ZNF516: variants seen among roughly 807,000 people sequenced by gnomAD.
The protein encoded by ZNF516 is zinc finger protein 516.
In ZNF516, 19 loss-of-function variants were observed where a neutral mutation model predicts 79.7. The observed-to-expected ratio is 0.24, with a 90% CI of 0.17 to 0.35. ZNF516 has a LOEUF of 0.35. ZNF516 is among the 10% of genes least tolerant of loss of function. The probability of loss-of-function intolerance (pLI) is 1.00; values close to 1 mark genes in which losing one functional copy is unlikely to be tolerated. For synonymous variants in ZNF516, 877 were observed against 739.5 expected (o/e 1.19, Z -3.02); for missense variants, 1,678 against 1,679.5 (o/e 1.00, Z 0.02).
chr18:76,405,377 A>C (rs889886196), intron 3 of ZNF516, among the ~76,000 whole-genome samples: 1 of 152,004 alleles, frequency 6.6e-6, no homozygotes, highest in Non-Finnish European at 1.5e-5. Flanking sequence ...GCACACACCC[A>C]CCAGTGCTAC....
intron 2 of ZNF516, among the ~76,000 whole-genome samples, chr18:76,450,133 G>A (rs11874066): frequency 0.03 from 3,970 of 132,892 alleles, 195 homozygotes; most frequent in African/African-American, 0.1. Context: ...GAGAAAGAGA[G>A]AGACGGAGAG....
Position 76,442,778 on chromosome 18 carries a change from G to C in ZNF516, c.277C>G (p.His93Asp), listed in dbSNP as rs753302476. 1.7e-5 allele frequency: 27 copies of C among 1,602,780 alleles called. No individual in the cohort carries two copies. Among genetic ancestry groups the C allele is most frequent in the Non-Finnish European group, 2.2e-5 (26 of 1,174,752 alleles). ...SHRTGTLIQG[H>D]EPEAGEAPLG... ...GGCGCCTCGCCCGCCTCCGGCTCGTGTCCCTGAATCAGAGTCCCCGTGCGG... is the reference window on the plus strand; with the variant it reads ...GGCGCCTCGCCCGCCTCCGGCTCGTCTCCCTGAATCAGAGTCCCCGTGCGG... The change falls in exon 3 of 7, where the codon CAC becomes GAC. Residue 93 changes from histidine (H) to aspartate (D), a missense_variant. This residue lies in a region of ZNF516 where 279 missense variants were observed against 254.1 expected (regional missense o/e 1.10). Transcript: ENST00000443185.
chr18:76,367,580 G>C (rs1426659110), intron 6 of ZNF516, among the ~76,000 whole-genome samples: 1 of 152,122 alleles, frequency 6.6e-6, no homozygotes, highest in Non-Finnish European at 1.5e-5. Context: ...CTCCACTCCG[G>C]GCCTTCCACG....
At chr18:76,365,737 TG>T (rs1336341652) in intron 6 of ZNF516, among the ~76,000 whole-genome samples, 1 of 152,202 alleles carries the variant, frequency 6.6e-6, no homozygotes, top group Non-Finnish European at 1.5e-5. Context: ...ACCGCCGGGC[TG>T]GAAGAATCAC....
At chr18:76,409,939 A>G (rs1350578606) in intron 3 of ZNF516, among the ~76,000 whole-genome samples, 2 of 152,162 alleles carry the variant, frequency 1.3e-5, no homozygotes, top group African/African-American at 4.8e-5. Context: ...TTTCCCCCAC[A>G]CTGTTCTCAT....
chr18:76,433,551 G>T (rs755655588), intron 3 of ZNF516, among the ~76,000 whole-genome samples: 9 of 152,208 alleles, frequency 5.9e-5, no homozygotes, highest in Non-Finnish European at 1.0e-4. Context: ...GCACGCTCAG[G>T]CCTTGTGGAG....
chr18:76,415,208 G>T (rs1399331274), intron 3 of ZNF516, among the ~76,000 whole-genome samples: 7 of 151,936 alleles, frequency 4.6e-5, no homozygotes, highest in African/African-American at 4.8e-5. Flanking sequence ...CTCAAAAAAA[G>T]AAAAAGAAAA....
At chr18:76,461,021 T>C (rs1337854074) in intron 2 of ZNF516, among the ~76,000 whole-genome samples, 1 of 151,578 alleles carries the variant, frequency 6.6e-6, no homozygotes, top group Non-Finnish European at 1.5e-5. Flanking sequence ...CTACTAAAAC[T>C]ACAAAAAAAA....
At chr18:76,440,830 C>T (rs2075808103) in intron 3 of ZNF516, among the ~76,000 whole-genome samples, 1 of 152,078 alleles carries the variant, frequency 6.6e-6, no homozygotes, top group South Asian at 2.1e-4. Flanking sequence ...GGGTGAATGT[C>T]TCAGAAGGGA....
At chr18:76,391,925 A>G (rs75627990) in intron 3 of ZNF516, among the ~76,000 whole-genome samples, 5,762 of 151,166 alleles carry the variant, frequency 0.038, 189 homozygotes, top group African/African-American at 0.083. Flanking sequence ...GGCCCACAGC[A>G]GAGAGGCCAC....
In ZNF516 at chr18:76,441,958, C is replaced by T. The variant is rs776545526; in HGVS notation, c.1097G>A (p.Arg366His). ...CTCCGCCCCCTCCTCGGCCGGGGCG[C>T]GCGTGCGGCTGGCCTCGACTCTGCG... ...IHRRVEASRT[R>H]APAEEGAEGP... The change falls in exon 3 of 7, where the codon CGC becomes CAC. Residue 366 changes from arginine to histidine, a missense_variant. Around this residue, in one of 5 missense-constraint regions of ZNF516, gnomAD observed 1,294 missense variants for 1,248.3 expected, o/e 1.04. Coordinates refer to ENST00000443185, the MANE Select transcript of ZNF516 (RefSeq NM_014643.4). The T allele has an allele frequency of 3.1e-6, 5 of 1,612,164 alleles. No homozygotes were observed. Among genetic ancestry groups the T allele is most frequent in the African/African-American group, 2.7e-5 (2 of 74,938 alleles).
At chr18:76,419,757 C>T (rs1193358260) in intron 3 of ZNF516, among the ~76,000 whole-genome samples, 1 of 152,264 alleles carries the variant, frequency 6.6e-6, no homozygotes, top group African/African-American at 2.4e-5. Context: ...CCTCCCCAGA[C>T]ACATGGAACT....
At chr18:76,406,266 T>C (rs1307433072) in intron 3 of ZNF516, among the ~76,000 whole-genome samples, 1 of 152,156 alleles carries the variant, frequency 6.6e-6, no homozygotes, top group African/African-American at 2.4e-5. Context: ...CCAATCTTCC[T>C]CTTAACAACA....
chr18:76,428,519 A>G (rs1018033294), intron 3 of ZNF516, among the ~76,000 whole-genome samples: 13 of 152,254 alleles, frequency 8.5e-5, no homozygotes, highest in Non-Finnish European at 2.9e-5. Context: ...AACAATGATC[A>G]ACAGGCAAAT....
chr18:76,464,241 G>A (rs998458825), intron 1 of ZNF516, among the ~76,000 whole-genome samples: 12 of 152,114 alleles, frequency 7.9e-5, no homozygotes, highest in African/African-American at 2.7e-4. Flanking sequence ...ACGTGGTGGC[G>A]TGTGCCTGTA....
At chr18:76,492,978 A>ACG in intron 1 of ZNF516, 1 of 985,592 alleles carries the variant, frequency 1.0e-6, no homozygotes, top group Non-Finnish European at 1.2e-6. Context: ...ATGCACGCGC[A>ACG]CGCGCGCGCT....
chr18:76,397,602 G>T (rs991515446), intron 3 of ZNF516, among the ~76,000 whole-genome samples: 1 of 152,130 alleles, frequency 6.6e-6, no homozygotes, highest in African/African-American at 2.4e-5. Flanking sequence ...CTCTGGACAC[G>T]ATATTTTATT....
chr18:76,460,365 T>C (rs1224744099), intron 2 of ZNF516, among the ~76,000 whole-genome samples: 2 of 152,146 alleles, frequency 1.3e-5, no homozygotes, highest in African/African-American at 2.4e-5. Context: ...TGTTACCACC[T>C]TCCAGGCCCC....
At position 76,463,048 on chromosome 18, in the gene ZNF516, G is replaced by A. The variant is rs1388287060; in HGVS notation, c.-178C>T. The A allele has an allele frequency of 6.6e-6, 1 of 152,196 alleles. No homozygotes were observed. The highest frequency in any genetic ancestry group is 2.4e-5 in the African/African-American group (1 of 41,434). 9.4% of individuals were successfully genotyped at this position (152,196 alleles called of 1,614,324 possible). On this transcript the variant is annotated 5_prime_UTR_variant, in exon 2 of 7. Transcript: ENST00000443185. ...CCTACCTGGGCTTTCCTGGGAATGTGGAAATGCAATGACAACGCTCCCAGT... is the reference window on the plus strand; with the variant it reads ...CCTACCTGGGCTTTCCTGGGAATGTAGAAATGCAATGACAACGCTCCCAGT...
Sources: allele counts gnomAD v4.1 joint callset (sites outside exome capture counted in the v4.1 genomes callset), GRCh38; gene constraint gnomAD v4.1.1; regional missense constraint gnomAD v4.1.1; transcripts MANE v1.5; gene names NCBI Gene and HGNC (gene_info 2026-07-23, HGNC 2026-07-21).